The following KCNIP4 variants were observed in gnomAD, a reference collection of about 807,000 sequenced individuals.
The protein encoded by KCNIP4 is potassium voltage-gated channel interacting protein 4.
KCNIP4 carries 12 observed loss-of-function variants against 34.0 expected under a neutral mutation model. The ratio of observed to expected loss-of-function variants is 0.35; its 90% CI spans 0.23 to 0.57. The LOEUF is 0.57. KCNIP4 is among the 20% of genes least tolerant of loss of function. KCNIP4 has a pLI of 0.83. For missense variants in KCNIP4, 238 were observed against 311.7 expected, an observed-to-expected ratio of 0.76 and a Z score of 1.78; for synonymous variants, 124 against 102.2, an observed-to-expected ratio of 1.21 and a Z score of -1.29.
intron 5 of KCNIP4, 40 bp from the exon 6 acceptor site, chr4:20,734,775 A>T (rs745728360): frequency 6.5e-6 from 8 of 1,233,624 alleles, no homozygotes; most frequent in Admixed American, 2.3e-5. Flanking sequence ...TGACATTTTT[A>T]AAAAAACAAA....
chr4:21,247,846 G>T (rs1760384898), intron 1 of KCNIP4, among the ~76,000 whole-genome samples: 1 of 76,784 alleles, frequency 1.3e-5, no homozygotes, highest in Non-Finnish European at 2.5e-5. Flanking sequence ...CACCACAGGT[G>T]GAGATATATA....
chr4:20,871,460 A>G (rs1356398779), intron 2 of KCNIP4, among the ~76,000 whole-genome samples: 1 of 152,000 alleles, frequency 6.6e-6, no homozygotes, highest in East Asian at 1.9e-4. Flanking sequence ...GAAGGAATAC[A>G]TTTAAAAAAA....
chr4:20,734,793 A>AAAC (rs79484783), intron 5 of KCNIP4, 58 bp from the exon 6 acceptor site: 26 of 981,784 alleles, frequency 2.6e-5, no homozygotes, highest in African/African-American at 6.8e-5. Context: ...AAAAACAAAA[A>AAAC]AAACAAATGA....
Position 21,448,363 on chromosome 4 carries a change from T to C in KCNIP4, c.61+500208A>G, listed in dbSNP as rs147153555. Among the ~76,000 whole-genome samples the C allele has an allele frequency of 2.4e-3, 361 of 152,184 alleles. 3 individuals carry two copies. Among genetic ancestry groups the C allele is most frequent in the African/African-American group, 8.4e-3 (348 of 41,512 alleles). On this transcript the variant is annotated intron_variant, in intron 1 of 8. Transcript: ENST00000382152. ...AGGGCTCAAAAGAAAATGAGAAACA[T>C]GTTACTGGAAACTGGAGGAAAGGCA...
chr4:21,046,235 A>G (rs1048778618), intron 1 of KCNIP4, among the ~76,000 whole-genome samples: 3 of 152,220 alleles, frequency 2.0e-5, no homozygotes, highest in Non-Finnish European at 4.4e-5. Context: ...GAGGAAACTC[A>G]TAGAGGATGG....
At chr4:20,831,637 A>G (rs1432456577) in intron 3 of KCNIP4, among the ~76,000 whole-genome samples, 1 of 152,258 alleles carries the variant, frequency 6.6e-6, no homozygotes, top group Non-Finnish European at 1.5e-5. Flanking sequence ...ATTGTTTTCA[A>G]TAAATGTAAC....
intron 1 of KCNIP4, among the ~76,000 whole-genome samples, chr4:21,215,404 A>C (rs1437268539): frequency 6.6e-6 from 1 of 152,208 alleles, no homozygotes; most frequent in Non-Finnish European, 1.5e-5. Flanking sequence ...AGACATATTC[A>C]TTGATTCAAG....
At chr4:21,896,212 T>A (rs983466823) in intron 1 of KCNIP4, among the ~76,000 whole-genome samples, 1 of 152,204 alleles carries the variant, frequency 6.6e-6, no homozygotes, top group African/African-American at 2.4e-5. Flanking sequence ...ATAAAAATTA[T>A]GCAGATACAG....
At chr4:21,624,387 C>G (rs1745187644) in intron 1 of KCNIP4, among the ~76,000 whole-genome samples, 1 of 151,980 alleles carries the variant, frequency 6.6e-6, no homozygotes, top group South Asian at 2.1e-4. Context: ...TATTTATACA[C>G]TAAGTGAAAA....
intron 1 of KCNIP4, among the ~76,000 whole-genome samples, chr4:21,420,151 G>GA (rs1464057079): frequency 3.9e-5 from 6 of 152,150 alleles, no homozygotes; most frequent in Admixed American, 6.5e-5. Context: ...AAGTTCCACT[G>GA]AAAAAAACAT....
At chr4:21,718,365 C>T (rs1013898397) in intron 1 of KCNIP4, 13 of 152,058 alleles carry the variant, frequency 8.5e-5, no homozygotes, top group African/African-American at 2.9e-4. Flanking sequence ...TATATGGTTG[C>T]TAGTTTTACA....
At chr4:21,928,686 C>T (rs1729400870) in intron 1 of KCNIP4, among the ~76,000 whole-genome samples, 1 of 151,970 alleles carries the variant, frequency 6.6e-6, no homozygotes, top group Non-Finnish European at 1.5e-5. Flanking sequence ...GGATAATCTC[C>T]CCCTGATTAA....
intron 1 of KCNIP4, chr4:21,762,946 T>G (rs1261746531): frequency 1.6e-6 from 2 of 1,288,734 alleles, no homozygotes; most frequent in Admixed American, 2.3e-5. Flanking sequence ...GTGCTCCCAC[T>G]TCCGAAGTCT....
chr4:21,035,384 T>C (rs1219931713), intron 1 of KCNIP4, among the ~76,000 whole-genome samples: 1 of 152,242 alleles, frequency 6.6e-6, no homozygotes, highest in Non-Finnish European at 1.5e-5. Context: ...CATTGTTCTC[T>C]GTAGCAACAA....
intron 1 of KCNIP4, among the ~76,000 whole-genome samples, chr4:21,562,052 TG>T (rs571631461): frequency 6.6e-6 from 1 of 151,922 alleles, no homozygotes; most frequent in African/African-American, 2.4e-5. Flanking sequence ...AAAAATCCTC[TG>T]GTCATCTACT....
chr4:21,893,642 T>C (rs1727227323), intron 1 of KCNIP4, among the ~76,000 whole-genome samples: 1 of 152,174 alleles, frequency 6.6e-6, no homozygotes, highest in Admixed American at 6.6e-5. Flanking sequence ...CTTGTGTACA[T>C]GTTGCCCCAA....
rs182885628 is a variant in KCNIP4 at position 21,257,408 on chromosome 4, G to A, written c.62-374699C>T. 3.2e-3 allele frequency among the ~76,000 whole-genome samples: 481 copies of A among 152,132 alleles called. 5 individuals carry two copies. The highest frequency in any genetic ancestry group is 5.6e-3 in the Non-Finnish European group (384 of 67,990). On this transcript the variant is annotated intron_variant, in intron 1 of 8. Coordinates refer to ENST00000382152, the MANE Select transcript of KCNIP4 (RefSeq NM_025221.6). ...GTGATATCAACATAACCTGCAACTT[G>A]TTAGAGATGCAATGTTTTGGGCTCC... is the stretch of plus-strand genomic sequence containing the variant.
At chr4:21,829,952 C>T (rs1279195163) in intron 1 of KCNIP4, among the ~76,000 whole-genome samples, 2 of 151,766 alleles carry the variant, frequency 1.3e-5, no homozygotes, top group South Asian at 2.1e-4. Flanking sequence ...TATAAAACAA[C>T]CAGAAAATAA....
intron 1 of KCNIP4, among the ~76,000 whole-genome samples, chr4:21,060,569 G>A (rs1226940107): frequency 6.6e-6 from 1 of 152,152 alleles, no homozygotes; most frequent in Non-Finnish European, 1.5e-5. Context: ...CTAGGCAGTG[G>A]CTGCCCAGCC....
Sources: allele counts gnomAD v4.1 joint callset (sites outside exome capture counted in the v4.1 genomes callset), GRCh38; gene constraint gnomAD v4.1.1; transcripts MANE v1.5; gene names NCBI Gene and HGNC (gene_info 2026-07-23, HGNC 2026-07-21).